PREX2: variants seen among roughly 807,000 people sequenced by gnomAD.
PREX2 encodes the protein phosphatidylinositol 3,4,5-trisphosphate-dependent Rac exchanger 2 protein.
PREX2 carries 107 observed loss-of-function variants against 203.2 expected under a neutral mutation model. That is an observed-to-expected ratio of 0.53 (90% CI 0.45 to 0.62). The LOEUF (loss-of-function observed/expected upper bound fraction) is 0.62, where lower values mean the gene tolerates loss of function less well. Ranked by LOEUF, PREX2 falls within the 20% of genes least tolerant of loss-of-function variation. The pLI is 0.00. For synonymous variants in PREX2, 672 were observed against 663.6 expected, an observed-to-expected ratio of 1.01 and a Z score of -0.19; for missense variants, 1,777 against 1,955.9, an observed-to-expected ratio of 0.91 and a Z score of 1.72.
rs771175028 is a variant in PREX2, at chr8:68,099,712, C to T, written c.2584C>T (p.His862Tyr). ...TGAAGCCCTGGCTAAAAGTGATGAG[C>T]ATTTTGTACAAAACTGTACCAGCCT... ...ILEALAKSDE[H>Y]FVQNCTSLNS... The change falls in exon 23 of 40, where the codon CAT becomes TAT. Residue 862 changes from histidine to tyrosine, a missense_variant. Coordinates refer to ENST00000288368, the MANE Select transcript of PREX2 (RefSeq NM_024870.4). 6 of 1,613,650 alleles carry T rather than the reference C, an allele frequency of 3.7e-6. No homozygotes were observed. In the African/African-American group the frequency reaches 6.7e-5, roughly 18 times the overall value.
chr8:68,021,855 C>T (rs916050318), intron 3 of PREX2, among the ~76,000 whole-genome samples, 181 bp from the exon 4 acceptor site: 3 of 152,102 alleles, frequency 2.0e-5, no homozygotes, highest in African/African-American at 4.8e-5. Flanking sequence ...GTCTATCTCC[C>T]TTTTTAGGCT....
chr8:68,151,506 C>T (rs183896618), intron 34 of PREX2, among the ~76,000 whole-genome samples: 4 of 152,228 alleles, frequency 2.6e-5, no homozygotes, highest in Admixed American at 2.0e-4. Flanking sequence ...ATACAAACCT[C>T]GACAGATGTT....
intron 19 of PREX2, among the ~76,000 whole-genome samples, chr8:68,089,637 A>T (rs1809807233): frequency 6.6e-6 from 1 of 152,222 alleles, no homozygotes; most frequent in South Asian, 2.1e-4. Context: ...ACTCAATTCA[A>T]TGCAGAAAGC....
At position 68,140,193 on chromosome 8, in the gene PREX2, G is replaced by A. The variant is rs570272148; in HGVS notation, c.4087+1676G>A. ...CACACTAAATATAAAAAATAATTGG[G>A]ACCATGTAAGCAATAATAGTATGTA... On this transcript the variant is annotated intron_variant, in intron 33 of 39. Coordinates refer to ENST00000288368, the MANE Select transcript of PREX2 (RefSeq NM_024870.4). 2.1e-4 allele frequency among the ~76,000 whole-genome samples: 32 copies of A among 152,222 alleles called. No individual in the cohort carries two copies. The East Asian group carries it at 3.3e-3, about 16-fold the overall frequency.
rs184975873 is a variant in PREX2 at position 68,015,850 on chromosome 8, A to G, written c.142-1996A>G. Among the ~76,000 whole-genome samples, 172 of 152,308 alleles carry G rather than the reference A, an allele frequency of 1.1e-3. 1 individual carries two copies. The highest frequency in any genetic ancestry group is 2.9e-4 in the Non-Finnish European group (20 of 68,004). On this transcript the variant is annotated intron_variant, in intron 1 of 39. Coordinates refer to ENST00000288368, the MANE Select transcript of PREX2 (RefSeq NM_024870.4). ...TAGAAAATTCTAATTTTTTTCACCA[A>G]TTATCCTTAACTTTAGATAAGAGTT... is the stretch of plus-strand genomic sequence containing the variant.
intron 34 of PREX2, among the ~76,000 whole-genome samples, chr8:68,147,510 T>G (rs1298444915): frequency 6.6e-6 from 1 of 152,164 alleles, no homozygotes; most frequent in Non-Finnish European, 1.5e-5. Flanking sequence ...CCCTCTCCTC[T>G]TATCTGCCAC....
chr8:67,964,058 C>T (rs76795895), intron 1 of PREX2, among the ~76,000 whole-genome samples: 5,479 of 152,146 alleles, frequency 0.036, 301 homozygotes, highest in African/African-American at 0.11. Context: ...TAGGTGTTTC[C>T]AATGGGTTAG....
At chr8:68,188,752 G>T (rs934908728) in intron 35 of PREX2, among the ~76,000 whole-genome samples, 1 of 152,032 alleles carries the variant, frequency 6.6e-6, no homozygotes, top group African/African-American at 2.4e-5. Context: ...CAGTATGGGG[G>T]AAACAACCCC....
intron 21 of PREX2, among the ~76,000 whole-genome samples, chr8:68,095,978 C>T (rs775903808): frequency 1.3e-5 from 2 of 152,022 alleles, no homozygotes; most frequent in African/African-American, 2.4e-5. Context: ...ACACACTGAT[C>T]GTATGGGGGG....
chr8:68,225,076 C>T (rs898311693), intron 39 of PREX2, among the ~76,000 whole-genome samples: 2 of 152,136 alleles, frequency 1.3e-5, no homozygotes, highest in African/African-American at 4.8e-5. Context: ...TCTGTACTCC[C>T]TTAGCATCTT....
At chr8:68,221,456 A>T (rs912231948) in intron 38 of PREX2, among the ~76,000 whole-genome samples, 1 of 151,978 alleles carries the variant, frequency 6.6e-6, no homozygotes, top group Non-Finnish European at 1.5e-5. Context: ...TACTTGTTTC[A>T]TAGTGTTGTT....
chr8:68,176,192 A>G (rs1177583121), intron 35 of PREX2, among the ~76,000 whole-genome samples: 1 of 152,198 alleles, frequency 6.6e-6, no homozygotes, highest in Non-Finnish European at 1.5e-5. Flanking sequence ...CATTCAGAAA[A>G]CACAATGAGA....
At chr8:68,150,410 G>A (rs1484077309) in intron 34 of PREX2, among the ~76,000 whole-genome samples, 4 of 152,156 alleles carry the variant, frequency 2.6e-5, no homozygotes, top group African/African-American at 9.7e-5. Context: ...AACCTCTGCT[G>A]GTCTCTGTGG....
At chr8:68,108,970 C>A (rs900357172) in intron 24 of PREX2, 2 of 432,458 alleles carry the variant, frequency 4.6e-6, no homozygotes, top group African/African-American at 2.0e-5. Context: ...ACTATATGAT[C>A]TCATTTATAT....
Position 68,087,770 on chromosome 8 carries a change from C to T in PREX2, c.2074C>T (p.Arg692Trp), listed in dbSNP as rs561299451. ...DSADGLGFQI[R>W]GFGPSVVHAV... ...AGCTGATGGACTTGGCTTCCAGATC[C>T]GGGGATTTGGCCCTTCTGTTGTGCA... The change falls in exon 19 of 40, where the codon CGG becomes TGG. Residue 692 changes from arginine (R) to tryptophan (W), a missense_variant. By Grantham distance (101) the Arg-to-Trp change is moderately radical. Coordinates refer to ENST00000288368, the MANE Select transcript of PREX2 (RefSeq NM_024870.4). 20 of 1,613,590 alleles carry T rather than the reference C, an allele frequency of 1.2e-5. No individual in the cohort carries two copies. The highest frequency in any genetic ancestry group is 1.1e-4 in the South Asian group (10 of 91,064).
chr8:68,052,826 C>T (rs1452674744), intron 8 of PREX2, among the ~76,000 whole-genome samples: 1 of 152,136 alleles, frequency 6.6e-6, no homozygotes. Context: ...GTGCATAGAG[C>T]ATGTAAGTGT....
chr8:67,968,650 G>A (rs1259291270), intron 1 of PREX2, among the ~76,000 whole-genome samples: 2 of 152,168 alleles, frequency 1.3e-5, no homozygotes, highest in South Asian at 2.1e-4. Context: ...AAAAGGAAGT[G>A]CAAACACAAT....
At chr8:68,197,249 C>T (rs1812415302) in intron 37 of PREX2, among the ~76,000 whole-genome samples, 1 of 152,074 alleles carries the variant, frequency 6.6e-6, no homozygotes, top group Non-Finnish European at 1.5e-5. Flanking sequence ...TCCCCATAAA[C>T]CCCACATGTC....
At chr8:68,215,621 G>A (rs560222081) in intron 37 of PREX2, among the ~76,000 whole-genome samples, 12 of 151,860 alleles carry the variant, frequency 7.9e-5, no homozygotes, top group African/African-American at 2.4e-4. Flanking sequence ...TGCAAGCTCC[G>A]CCTCCTGAGT....
Sources: allele counts gnomAD v4.1 joint callset (sites outside exome capture counted in the v4.1 genomes callset), GRCh38; gene constraint gnomAD v4.1.1; transcripts MANE v1.5; gene names NCBI Gene and HGNC (gene_info 2026-07-23, HGNC 2026-07-21).